ST7: variants seen among roughly 807,000 people sequenced by gnomAD.
ST7 encodes the protein suppressor of tumorigenicity 7 protein.
ST7 carries 28 observed loss-of-function variants against 78.7 expected under a neutral mutation model. That is an observed-to-expected ratio of 0.36 (90% confidence interval 0.26 to 0.49). ST7 has a LOEUF of 0.49. Among genes scored for constraint, ST7 ranks in the 20% least tolerant of loss-of-function variants. The pLI is 0.99. For synonymous variants in ST7, 247 were observed against 249.6 expected, an observed-to-expected ratio of 0.99 and a Z score of 0.10; for missense variants, 418 against 696.0, an observed-to-expected ratio of 0.60 and a Z score of 4.49.
At chr7:116,986,293 G>C (rs997436391) in intron 1 of ST7, among the ~76,000 whole-genome samples, 2 of 152,130 alleles carry the variant, frequency 1.3e-5, no homozygotes, top group Admixed American at 1.3e-4. Context: ...AGAGTTGAGG[G>C]GTACTGAAGC....
chr7:117,018,595 G>A (rs1478442367), intron 1 of ST7, among the ~76,000 whole-genome samples: 3 of 151,944 alleles, frequency 2.0e-5, no homozygotes, highest in East Asian at 3.9e-4. Flanking sequence ...AGGCATTATC[G>A]TAGTGTGCTT....
chr7:116,995,988 G>T (rs1794632644), intron 1 of ST7, among the ~76,000 whole-genome samples: 1 of 151,884 alleles, frequency 6.6e-6, no homozygotes, highest in Non-Finnish European at 1.5e-5. Flanking sequence ...GACTTTATAG[G>T]ATTAGACTAG....
chr7:117,128,898 G>A lies in ST7; in HGVS notation c.395-895G>A, dbSNP rs115520702. ...GATGTGGTTTTTGCTGGTTGCACACGCACATAGATGTTTTGAATACTATTA... is the reference window on the plus strand; with the variant it reads ...GATGTGGTTTTTGCTGGTTGCACACACACATAGATGTTTTGAATACTATTA... On this transcript the variant is annotated intron_variant, in intron 3 of 15. Transcript: ENST00000323984. 3.9e-3 allele frequency among the ~76,000 whole-genome samples: 592 copies of A among 151,814 alleles called. 3 individuals carry two copies. The highest frequency in any genetic ancestry group is 0.014 in the African/African-American group (575 of 41,480).
At position 117,138,510 on chromosome 7, in the gene ST7, A is replaced by T; in HGVS notation, c.941A>T (p.Glu314Val). ...MCARRLGRTR[E>V]AVKMMRDLMK... ...GCCAGAAGACTCGGGAGGACCAGGG[A>T]AGCAGTGAAAATGATGAGAGATGTG... Residue 314 changes from glutamate to valine, a missense_variant, in exon 9 of 16, where the codon GAA (glutamate) becomes GTA (valine). Transcript: ENST00000323984. The T allele has an allele frequency of 6.2e-7, 1 of 1,605,940 alleles. No homozygotes were observed. Among genetic ancestry groups the T allele is most frequent in the Non-Finnish European group, 8.5e-7 (1 of 1,175,614 alleles).
intron 9 of ST7, chr7:117,144,144 A>G (rs967805400): frequency 2.6e-5 from 4 of 152,202 alleles, no homozygotes; most frequent in Admixed American, 6.5e-5. Context: ...GAAGAGTGAC[A>G]TTGCTGTTAT....
intron 1 of ST7, among the ~76,000 whole-genome samples, chr7:116,960,889 G>T (rs1585045225): frequency 6.6e-6 from 1 of 152,054 alleles, no homozygotes; most frequent in South Asian, 2.1e-4. Flanking sequence ...TGAAATCTTT[G>T]CCCATTCCTG....
chr7:117,133,125 A>G (rs1302306510), intron 6 of ST7, among the ~76,000 whole-genome samples: 2 of 151,844 alleles, frequency 1.3e-5, no homozygotes, highest in Non-Finnish European at 2.9e-5. Flanking sequence ...TTTCTTTTTA[A>G]AGTGCTTGGA....
At chr7:117,077,189 C>T (rs1584585243) in intron 1 of ST7, among the ~76,000 whole-genome samples, 1 of 152,198 alleles carries the variant, frequency 6.6e-6, no homozygotes, top group African/African-American at 2.4e-5. Context: ...CTTCTCCTTT[C>T]TCTGCTGCCT....
intron 9 of ST7, among the ~76,000 whole-genome samples, chr7:117,156,001 C>T (rs1181218687): frequency 6.6e-6 from 1 of 152,194 alleles, no homozygotes; most frequent in Non-Finnish European, 1.5e-5. Flanking sequence ...TTATGTGTCA[C>T]CTTGCAATCC....
At chr7:117,107,734 C>T (rs1271072660) in intron 2 of ST7, among the ~76,000 whole-genome samples, 1 of 151,474 alleles carries the variant, frequency 6.6e-6, no homozygotes, top group African/African-American at 2.4e-5. Context: ...CTGCCTCTGC[C>T]TCCCAAGTAG....
At chr7:117,012,754 C>A (rs540122702) in intron 1 of ST7, among the ~76,000 whole-genome samples, 16 of 152,076 alleles carry the variant, frequency 1.1e-4, no homozygotes, top group African/African-American at 3.9e-4. Flanking sequence ...TAAAAACTTG[C>A]TTAATTAGGA....
At chr7:117,177,296 C>T (rs1365740473) in intron 10 of ST7, among the ~76,000 whole-genome samples, 1 of 152,226 alleles carries the variant, frequency 6.6e-6, no homozygotes, top group African/African-American at 2.4e-5. Context: ...ATATGCATGA[C>T]AAACTTCTGT....
intron 1 of ST7, among the ~76,000 whole-genome samples, chr7:117,066,764 C>T (rs1297634217): frequency 1.3e-5 from 1 of 74,736 alleles, no homozygotes; most frequent in Admixed American, 1.5e-4. Context: ...GACTCCGTCT[C>T]AAAAAAAAAA....
intron 1 of ST7, among the ~76,000 whole-genome samples, chr7:117,097,908 A>ATATATATATATATATATATATATTTT: frequency 3.3e-5 from 1 of 30,012 alleles, no homozygotes; most frequent in Non-Finnish European, 5.4e-5. Flanking sequence ...ATATATATAT[A>ATATATATATATATATATATATATTTT]TTTTTTTTTT....
At chr7:117,202,432 G>A (rs113306583) in intron 12 of ST7, among the ~76,000 whole-genome samples, 25 of 152,174 alleles carry the variant, frequency 1.6e-4, no homozygotes, top group African/African-American at 5.5e-4. Flanking sequence ...AGCTGTTTTT[G>A]TTACCTTCCC....
rs1803201853 is a variant in ST7, at chr7:117,119,658, A to G, written c.332A>G (p.Asn111Ser). The change falls in exon 3 of 16, where the codon AAC becomes AGC. Residue 111 changes from asparagine to serine, a missense_variant. Physicochemically the swap from Asn to Ser is conservative, Grantham distance 46 (BLOSUM62 1). Around this residue, in one of 4 missense-constraint regions of ST7, gnomAD observed 36 missense variants for 29.7 expected, o/e 1.21. Transcript: ENST00000323984. ...CCCCTTCTGGGAGGGGTTGACAACA[A>G]CTCTTCCAACAATTCTAATTCCAGT... ...LRPLLGGVDN[N>S]SSNNSNSSNG... 1.2e-6 allele frequency: 2 copies of G among 1,613,802 alleles called. No homozygotes were observed. The highest frequency in any genetic ancestry group is 1.3e-5 in the African/African-American group (1 of 75,006).
chr7:117,210,906 G>A (rs971218304), intron 13 of ST7, among the ~76,000 whole-genome samples: 10 of 152,182 alleles, frequency 6.6e-5, no homozygotes, highest in African/African-American at 2.2e-4. Context: ...AAACAAGAGA[G>A]TCTTCTGACA....
chr7:117,082,025 G>C (rs568534877), intron 1 of ST7, among the ~76,000 whole-genome samples: 1 of 152,268 alleles, frequency 6.6e-6, no homozygotes, highest in East Asian at 1.9e-4. Context: ...AAGCTGAAGC[G>C]GCTGTCTGCA....
chr7:117,148,995 G>A (rs1048447394), intron 9 of ST7, among the ~76,000 whole-genome samples: 2 of 152,190 alleles, frequency 1.3e-5, no homozygotes, highest in African/African-American at 2.4e-5. Context: ...AGCCAGCAAT[G>A]CATGCGATGA....
Sources: gnomAD v4.1 joint callset for allele counts (sites outside exome capture counted in the v4.1 genomes callset) on GRCh38, gnomAD v4.1.1 for gene constraint, gnomAD v4.1.1 regional missense constraint, MANE v1.5 for transcripts, NCBI Gene and HGNC (gene_info 2026-07-23, HGNC 2026-07-21) for gene names.